The following JAG2 variants were observed in gnomAD, a reference collection of about 807,000 sequenced individuals.
JAG2 encodes the protein jagged canonical Notch ligand 2.
Under a neutral mutation model 141.7 loss-of-function variants are expected in JAG2, and 46 were observed. The ratio of observed to expected loss-of-function variants is 0.32; its 90% CI spans 0.26 to 0.42. JAG2 has a LOEUF of 0.42. Ranked by LOEUF, JAG2 falls within the 10% of genes least tolerant of loss-of-function variation. The pLI is 1.00. For missense variants in JAG2, 1,500 were observed against 1,817.5 expected (o/e 0.83, Z 3.18); for synonymous variants, 862 against 763.5 (o/e 1.13, Z -2.13).
intron 6 of JAG2, 42 bp downstream of exon 6, chr14:105,152,119 C>G: frequency 1.9e-6 from 3 of 1,613,450 alleles, no homozygotes; most frequent in Non-Finnish European, 2.5e-6. Flanking sequence ...ACAACCCACA[C>G]TTCGATGGCA....
intron 5 of JAG2, among the ~76,000 whole-genome samples, chr14:105,153,344 G>T (rs587640869): frequency 1.3e-4 from 20 of 152,344 alleles, no homozygotes; most frequent in African/African-American, 4.1e-4. Flanking sequence ...ACAGTGGTCC[G>T]CGTGGGTGGC....
Position 105,151,977 on chromosome 14 carries a change from T to C in JAG2, c.1000A>G (p.Thr334Ala). The change falls in exon 7 of 26, where the codon ACC (threonine) becomes GCC (alanine). Residue 334 changes from threonine (T) to alanine (A), a missense_variant. This residue lies in a region of JAG2 where 875 missense variants were observed against 1,202.2 expected (regional missense o/e 0.73). Transcript: ENST00000331782. Reference protein sequence around the residue: ...INAEPDQYRCTCPDGYSGRNC... With the variant: ...INAEPDQYRCACPDGYSGRNC... ...CTGCCCGAGTAGCCGTCAGGGCAGG[T>C]GCAGCGGTACTGGTCAGGCTCGGCG... 1.2e-6 allele frequency: 2 copies of C among 1,613,296 alleles called. No homozygotes were observed. The highest frequency in any genetic ancestry group is 1.7e-6 in the Non-Finnish European group (2 of 1,180,002).
rs1216756119 is a variant in JAG2, at chr14:105,143,008, C to A, written c.3404G>T (p.Arg1135Leu). Residue 1135 changes from arginine to leucine, a missense_variant, in exon 26 of 26, where the codon CGC becomes CTC. Arg to Leu is a moderately radical substitution (Grantham distance 102). Transcript: ENST00000331782. ...NNQWAPLNPI[R>L]NPIERPGGHK... ...GCCCCCCGGCCGCTCAATGGGGTTG[C>A]GGATGGGGTTGAGCGGGGCCCACTG... 1.2e-6 allele frequency: 2 copies of A among 1,607,058 alleles called. No individual in the cohort carries two copies. Among genetic ancestry groups the A allele is most frequent in the Admixed American group, 1.7e-5 (1 of 59,990 alleles).
intron 2 of JAG2, among the ~76,000 whole-genome samples, chr14:105,163,495 A>G (rs1044740345): frequency 2.0e-4 from 31 of 152,116 alleles, no homozygotes; most frequent in African/African-American, 7.2e-4. Context: ...CCAGGGTACA[A>G]CTGATGCCAG....
At chr14:105,147,131 C>T in intron 20 of JAG2, 195 bp downstream of exon 20, 1 of 638,508 alleles carries the variant, frequency 1.6e-6, no homozygotes, top group Non-Finnish European at 2.8e-6. Context: ...GGGCTCCCCA[C>T]TTAATCACTT....
Position 105,147,879 on chromosome 14 carries a change from C to T in JAG2, c.2258G>A (p.Ser753Asn). The T allele has an allele frequency of 1.3e-6, 2 of 1,551,582 alleles. No individual in the cohort carries two copies. Among genetic ancestry groups the T allele is most frequent in the Non-Finnish European group, 1.7e-6 (2 of 1,148,822 alleles). The change falls in exon 18 of 26, where the codon AGC (serine) becomes AAC (asparagine). Residue 753 changes from serine to asparagine, a missense_variant. Ser to Asn is a conservative substitution (Grantham distance 46). Coordinates refer to ENST00000331782, the MANE Select transcript of JAG2 (RefSeq NM_002226.5). ...CACACAGGGGTTGGGCAGGCAGCTG[C>T]TGTTCTTGGCTGTAAGGAGAGGAGG... ...KGSTCAVAKN[S>N]SCLPNPCVNG...
At chr14:105,166,439 C>T (rs969576191) in intron 2 of JAG2, among the ~76,000 whole-genome samples, 1 of 152,260 alleles carries the variant, frequency 6.6e-6, no homozygotes, top group East Asian at 1.9e-4. Context: ...GGGCTTCTCA[C>T]AACTGCCTGG....
In JAG2 at chr14:105,143,553, C is replaced by T; in HGVS notation, c.3170G>A (p.Gly1057Glu). The change falls in exon 25 of 26, where the codon GGG (glycine) becomes GAG (glutamate). Residue 1057 changes from glycine to glutamate, a missense_variant. Gly to Glu is a moderately conservative substitution (Grantham distance 98). Around this residue, in one of 3 missense-constraint regions of JAG2, gnomAD observed 425 missense variants for 441.0 expected, o/e 0.96. Transcript: ENST00000331782. The part of the protein sequence containing the change: ...HAIVAAITQR[G>E]NSSLLLAVTE... ...GACAGCCAGGAGCAGTGAGCTGTTC[C>T]CCCGCTGGGTGATGGCGGCCACGAT... 1 of 1,598,076 alleles carries T rather than the reference C, an allele frequency of 6.3e-7. No homozygotes were observed. The highest frequency in any genetic ancestry group is 2.3e-5 in the East Asian group (1 of 44,290).
In JAG2 at chr14:105,149,330, G is replaced by T. The variant is rs767349126; in HGVS notation, c.1603-10C>A. 1.6e-5 allele frequency: 26 copies of T among 1,611,910 alleles called. No homozygotes were observed. The highest frequency in any genetic ancestry group is 2.0e-5 in the Non-Finnish European group (24 of 1,179,522). On this transcript the variant is annotated splice_polypyrimidine_tract_variant and intron_variant, in intron 12 of 25. Coordinates refer to ENST00000331782, the MANE Select transcript of JAG2 (RefSeq NM_002226.5). ...AAAGGTCGACATCCACCTGCAGGGT[G>T]GGGGGTGCCTGTGAGAGCCTAGGCC... is the stretch of plus-strand genomic sequence containing the variant.
In JAG2 at chr14:105,155,868, G is replaced by C. The variant is rs372506434; in HGVS notation, c.597C>G (p.Asp199Glu). 5.6e-6 allele frequency: 9 copies of C among 1,612,300 alleles called. No individual in the cohort carries two copies. The highest frequency in any genetic ancestry group is 2.2e-5 in the East Asian group (1 of 44,864). ...TGCAAGTGGCGCTGTAGTAGTTCTCGTCGCAGCGCACGCGGATCTGCAGCT... is the reference window on the plus strand; with the variant it reads ...TGCAAGTGGCGCTGTAGTAGTTCTCCTCGCAGCGCACGCGGATCTGCAGCT... ...HLELQIRVRCDENYYSATCNK... is the reference protein window; with the variant it reads ...HLELQIRVRCEENYYSATCNK... The change falls in exon 4 of 26, where the codon GAC becomes GAG. Residue 199 changes from aspartate (D) to glutamate (E), a missense_variant. Asp to Glu is a conservative substitution (Grantham distance 45). Coordinates refer to ENST00000331782, the MANE Select transcript of JAG2 (RefSeq NM_002226.5).
intron 12 of JAG2, 99 bp downstream of exon 12, chr14:105,150,505 C>T: frequency 7.9e-7 from 1 of 1,262,494 alleles, no homozygotes; most frequent in South Asian, 1.5e-5. Context: ...ACTTCCCCTG[C>T]AGCACCCCTG....
In JAG2 at chr14:105,149,076, G is replaced by A. The variant is rs372399094; in HGVS notation, c.1767C>T (p.Cys589=). 26 of 1,609,116 alleles carry A rather than the reference G, an allele frequency of 1.6e-5. No homozygotes were observed. Among genetic ancestry groups the A allele is most frequent in the African/African-American group, 5.3e-5 (4 of 74,914 alleles). Residue 589 remains cysteine, a synonymous_variant, in exon 14 of 26, where the codon TGC becomes TGT. Transcript: ENST00000331782. ...PGGACRVIDG[C]GSDAGPGMPG... ...GCATCCCAGGCCCCGCGTCTGACCC[G>A]CAGCCATCGATCACTATGGCAGGCA...
At position 105,148,150 on chromosome 14, in the gene JAG2, G is replaced by A. The variant is rs893484878; in HGVS notation, c.2214C>T (p.Cys738=). 3.2e-6 allele frequency: 5 copies of A among 1,550,192 alleles called. No homozygotes were observed. Among genetic ancestry groups the A allele is most frequent in the Middle Eastern group, 1.7e-4 (1 of 5,788 alleles). The change falls in exon 17 of 26, where the codon TGC becomes TGT. Residue 738 remains cysteine (C), a synonymous_variant. Coordinates refer to ENST00000331782, the MANE Select transcript of JAG2 (RefSeq NM_002226.5). ...YDSGDTFRCA[C]PPGWKGSTCA... ...AGGTGCTGCCCTTCCAGCCGGGGGG[G>A]CAGGCGCAGCGGAAGGTGTCGCCGC...
rs967406021 is a variant in JAG2 at position 105,154,945 on chromosome 14, G to A, written c.788+617C>T. ...GGGCTCCACCCCAGGATGTCTGCAG[G>A]ACCCGTGCGCCTCTCCCCCTTCCAC... On this transcript the variant is annotated intron_variant, in intron 5 of 25. Coordinates refer to ENST00000331782, the MANE Select transcript of JAG2 (RefSeq NM_002226.5). This position sits in a 1 kb window ranked among gnomAD's most constrained non-coding sequence, Gnocchi z 4.4. Among the ~76,000 whole-genome samples the A allele has an allele frequency of 6.6e-6, 1 of 150,432 alleles. No homozygotes were observed. The highest frequency in any genetic ancestry group is 1.5e-5 in the Non-Finnish European group (1 of 67,632).
At position 105,142,576 on chromosome 14, in the gene JAG2, T is replaced by G; in HGVS notation, c.*119A>C. On this transcript the variant is annotated 3_prime_UTR_variant, in exon 26 of 26. Transcript: ENST00000331782. ...TAGAAAATAAACATTTGGTTTTTGTTTTTGGTGGTTTTTTTACACAAAATA... is the reference window on the plus strand; with the variant it reads ...TAGAAAATAAACATTTGGTTTTTGTGTTTGGTGGTTTTTTTACACAAAATA... The G allele has an allele frequency of 1.4e-6, 1 of 711,600 alleles. No homozygotes were observed. Among genetic ancestry groups the G allele is most frequent in the Non-Finnish European group, 2.3e-6 (1 of 433,236 alleles). The allele number at this position is 711,600 out of a possible 1,614,324, so 44.1% of individuals were successfully genotyped here. A position where few individuals can be genotyped will look rare whatever the true frequency, so the allele number is the denominator to read the frequency against.
chr14:105,151,360 C>T lies in JAG2; in HGVS notation c.1190G>A (p.Gly397Asp). 6.2e-7 allele frequency: 1 copy of T among 1,612,418 alleles called. No individual in the cohort carries two copies. The highest frequency in any genetic ancestry group is 8.5e-7 in the Non-Finnish European group (1 of 1,180,006). Residue 397 changes from glycine to aspartate, a missense_variant, in exon 9 of 26, where the codon GGT becomes GAT. Physicochemically the swap from Gly to Asp is moderately conservative, Grantham distance 94. This residue lies in a region of JAG2 where 875 missense variants were observed against 1,202.2 expected (regional missense o/e 0.73). Transcript: ENST00000331782. Reference protein sequence around the residue: ...DECASNPCAAGGTCVDQVDGF... With the variant: ...DECASNPCAADGTCVDQVDGF... Reference sequence around the variant, plus strand: ...GTCCACCTGGTCCACACAGGTGCCACCGGCCGCACACGGGTTCGAAGCACA... The same window carrying T: ...GTCCACCTGGTCCACACAGGTGCCATCGGCCGCACACGGGTTCGAAGCACA...
At position 105,167,555 on chromosome 14, in the gene JAG2, TGGCCCCGG is replaced by T. The variant is rs1405868521; in HGVS notation, c.417+194_417+201del. 2.7e-5 allele frequency among the ~76,000 whole-genome samples: 4 copies of T among 146,208 alleles called. No individual in the cohort carries two copies. Among genetic ancestry groups the T allele is most frequent in the Non-Finnish European group, 4.6e-5 (3 of 65,864 alleles). ...GCCCCCGCCGCGACCCCGCTCCCGG[TGGCCCCGG>T]GGCCCCGGCGCGCCCACGTGGCCAG... On this transcript the variant is annotated intron_variant, in intron 2 of 25. Coordinates refer to ENST00000331782, the MANE Select transcript of JAG2 (RefSeq NM_002226.5). The surrounding 1 kb of genome is among the most constrained non-coding windows in gnomAD (Gnocchi z 4.8).
chr14:105,144,519 C>A (rs112634013), intron 24 of JAG2, among the ~76,000 whole-genome samples: 38 of 152,324 alleles, frequency 2.5e-4, no homozygotes, highest in African/African-American at 8.9e-4. Context: ...TGTCTCCACC[C>A]CAGTCTCACC....
chr14:105,148,002 G>T, intron 17 of JAG2, 114 bp from the exon 18 acceptor site: 1 of 1,144,820 alleles, frequency 8.7e-7, no homozygotes, highest in Non-Finnish European at 1.3e-6. Flanking sequence ...AGGGGGCAGG[G>T]GGCAGGTGGC....
Sources: allele counts gnomAD v4.1 joint callset (sites outside exome capture counted in the v4.1 genomes callset), GRCh38; gene constraint gnomAD v4.1.1; regional missense constraint gnomAD v4.1.1; non-coding constraint Gnocchi (gnomAD v3.1); transcripts MANE v1.5; gene names NCBI Gene and HGNC (gene_info 2026-07-23, HGNC 2026-07-21).